Variants in TMEM62 observed in about 807,000 individuals in gnomAD.
TMEM62 encodes transmembrane protein 62.
Under a neutral mutation model 70.4 loss-of-function variants are expected in TMEM62, and 41 were observed. That is an observed-to-expected ratio of 0.58 (90% CI 0.45 to 0.76). The LOEUF (loss-of-function observed/expected upper bound fraction) is 0.76, where lower values mean the gene tolerates loss of function less well. TMEM62 is among the 30% of genes least tolerant of loss of function. TMEM62 has a pLI of 0.00. For missense variants in TMEM62, 688 were observed against 788.5 expected (o/e 0.87, Z 1.53); for synonymous variants, 268 against 291.0 (o/e 0.92, Z 0.80).
chr15:43,146,719 C>G (rs2036712030), intron 5 of TMEM62, 85 bp downstream of exon 5: 3 of 1,211,354 alleles, frequency 2.5e-6, no homozygotes, highest in African/African-American at 3.0e-5. Flanking sequence ...CAAAAGTAAA[C>G]TAGTTGTTAT....
chr15:43,154,530 A>AT (rs1470983361), intron 8 of TMEM62, 142 bp from the exon 9 acceptor site: 2 of 595,088 alleles, frequency 3.4e-6, no homozygotes, highest in African/African-American at 1.9e-5. Flanking sequence ...AAACCAGATC[A>AT]TATCAATAGT....
chr15:43,154,523 C>A, intron 8 of TMEM62, 149 bp from the exon 9 acceptor site: 2 of 563,762 alleles, frequency 3.5e-6, no homozygotes, highest in Non-Finnish European at 5.5e-6. Flanking sequence ...CGGAAAGAAA[C>A]CAGATCATAT....
chr15:43,164,314 G>C (rs2039116249), intron 10 of TMEM62, among the ~76,000 whole-genome samples: 1 of 152,036 alleles, frequency 6.6e-6, no homozygotes, highest in African/African-American at 2.4e-5. Flanking sequence ...TTTTTGATAG[G>C]TTTATCTTTT....
chr15:43,180,909 AGT>A (rs1190016212), intron 12 of TMEM62: 2 of 267,458 alleles, frequency 7.5e-6, no homozygotes, highest in African/African-American at 4.4e-5. Context: ...CAAAAATGTG[AGT>A]GTGCTTTTTT....
intron 10 of TMEM62, among the ~76,000 whole-genome samples, chr15:43,167,104 A>G (rs920192514): frequency 7.2e-6 from 1 of 139,270 alleles, no homozygotes; most frequent in Non-Finnish European, 1.6e-5. Flanking sequence ...ACTTCCCAGT[A>G]GGGGCGGCTG....
rs991894246 is a variant in TMEM62 at position 43,182,458 on chromosome 15, T to C, written c.1605+1159T>C. 8.6e-4 allele frequency among the ~76,000 whole-genome samples: 128 copies of C among 149,478 alleles called. 1 individual carries two copies. The highest frequency in any genetic ancestry group is 2.1e-3 in the East Asian group (11 of 5,152). On this transcript the variant is annotated intron_variant, in intron 13 of 13. Coordinates refer to ENST00000260403, the MANE Select transcript of TMEM62 (RefSeq NM_024956.4). Reference sequence around the variant, plus strand: ...GTTTTCTTTTCTTTTCTTTTCTTTTTTTTTTTTTTTTTGAGATGGAGTCTC... The same window carrying C: ...GTTTTCTTTTCTTTTCTTTTCTTTTCTTTTTTTTTTTTGAGATGGAGTCTC...
chr15:43,154,791 A>G lies in TMEM62; in HGVS notation c.1142A>G (p.Asn381Ser). Reference protein sequence around the residue: ...PIFVLKWNPRNYSSGTHNIEV... With the variant: ...PIFVLKWNPRSYSSGTHNIEV... ...TTCGTACTGAAGTGGAATCCTAGAA[A>G]CTACAGTAGTGGGACACATAACATA... Residue 381 changes from asparagine (N) to serine (S), a missense_variant, in exon 9 of 14, where the codon AAC (asparagine) becomes AGC (serine). Coordinates refer to ENST00000260403, the MANE Select transcript of TMEM62 (RefSeq NM_024956.4). 1 of 1,613,758 alleles carries G rather than the reference A, an allele frequency of 6.2e-7. No homozygotes were observed. The highest frequency in any genetic ancestry group is 8.5e-7 in the Non-Finnish European group (1 of 1,179,838).
intron 10 of TMEM62, among the ~76,000 whole-genome samples, chr15:43,167,059 C>T (rs1285114312): frequency 1.7e-4 from 26 of 152,186 alleles, no homozygotes; most frequent in African/African-American, 5.8e-4. Flanking sequence ...GGTACACCTC[C>T]CAGACGGGGT....
intron 11 of TMEM62, among the ~76,000 whole-genome samples, chr15:43,174,508 C>T (rs577792646): frequency 1.3e-5 from 2 of 152,278 alleles, no homozygotes; most frequent in African/African-American, 4.8e-5. Flanking sequence ...AAGTCCCCAG[C>T]CTCTTATATG....
At chr15:43,160,887 G>A in intron 10 of TMEM62, 93 bp downstream of exon 10, 4 of 614,222 alleles carry the variant, frequency 6.5e-6, no homozygotes, top group Non-Finnish European at 7.9e-6. Context: ...CACTTTCCAT[G>A]GTTTCAGTTA....
chr15:43,138,660 G>C (rs1234853436), intron 4 of TMEM62, 41 bp downstream of exon 4: 3 of 1,467,224 alleles, frequency 2.0e-6, no homozygotes, highest in Admixed American at 4.0e-5. Flanking sequence ...TGTAGAGTCA[G>C]TGTTATAAGG....
At chr15:43,167,132 C>A (rs1359119986) in intron 10 of TMEM62, among the ~76,000 whole-genome samples, 2 of 151,352 alleles carry the variant, frequency 1.3e-5, no homozygotes, top group Non-Finnish European at 3.0e-5. Context: ...GCGCCCCTCA[C>A]CTCCCGGACT....
intron 12 of TMEM62, 56 bp downstream of exon 12, chr15:43,178,767 T>C: frequency 9.6e-7 from 1 of 1,038,024 alleles, no homozygotes; most frequent in Admixed American, 2.2e-5. Flanking sequence ...ATTAACAATT[T>C]TGACAATAGA....
chr15:43,174,863 G>A (rs2142033616), intron 11 of TMEM62, among the ~76,000 whole-genome samples: 1 of 152,256 alleles, frequency 6.6e-6, no homozygotes, highest in East Asian at 1.9e-4. Context: ...CTCTAGGGTG[G>A]GACCTAAGCA....
chr15:43,155,416 A>C (rs2037928445), intron 9 of TMEM62, among the ~76,000 whole-genome samples: 1 of 152,202 alleles, frequency 6.6e-6, no homozygotes, highest in African/African-American at 2.4e-5. Context: ...GGATCGCTTG[A>C]GCCCAGGAGT....
In TMEM62 at chr15:43,178,692, G is replaced by A. The variant is rs752300192; in HGVS notation, c.1467G>A (p.Leu489=). ...TCTTCTACTATTCTGTGTTGTTGTT[G>A]ACCCTGTATACAGTGCTGGGTAAGT... The part of the protein sequence containing the change: ...INIFYYSVLL[L]TLYTVLGPWF... The change falls in exon 12 of 14, where the codon TTG becomes TTA. Residue 489 remains leucine (L), a synonymous_variant. Transcript: ENST00000260403. 1 of 1,610,740 alleles carries A rather than the reference G, an allele frequency of 6.2e-7. No homozygotes were observed. The highest frequency in any genetic ancestry group is 1.1e-5 in the South Asian group (1 of 90,890).
At chr15:43,174,240 C>A (rs572283162) in intron 11 of TMEM62, among the ~76,000 whole-genome samples, 45 of 152,192 alleles carry the variant, frequency 3.0e-4, no homozygotes, top group Non-Finnish European at 2.1e-4. Context: ...GTATAATAGA[C>A]AATAAATACT....
At chr15:43,163,539 T>C (rs1234641481) in intron 10 of TMEM62, among the ~76,000 whole-genome samples, 1 of 152,010 alleles carries the variant, frequency 6.6e-6, no homozygotes, top group Non-Finnish European at 1.5e-5. Flanking sequence ...TCCCAGCACT[T>C]TGGGAGGCTG....
intron 6 of TMEM62, 61 bp from the exon 7 acceptor site, chr15:43,148,957 CAAGACATTTTT>C (rs2037024850): frequency 1.9e-6 from 3 of 1,601,760 alleles, no homozygotes; most frequent in Non-Finnish European, 2.6e-6. Context: ...GCTTTTCTGG[CAAGACATTTTT>C]ATTAGTTTGG....
Sources: gnomAD v4.1 joint callset for allele counts (sites outside exome capture counted in the v4.1 genomes callset) on GRCh38, gnomAD v4.1.1 for gene constraint, MANE v1.5 for transcripts, NCBI Gene and HGNC (gene_info 2026-07-23, HGNC 2026-07-21) for gene names.